The following HS6ST3 variants were observed in gnomAD, a reference collection of about 807,000 sequenced individuals.
HS6ST3 encodes the protein heparan-sulfate 6-O-sulfotransferase 3.
HS6ST3 carries 12 observed loss-of-function variants against 36.7 expected under a neutral mutation model. The observed-to-expected ratio is 0.33, with a 90% CI of 0.21 to 0.53. The LOEUF (loss-of-function observed/expected upper bound fraction) is 0.53. Ranked by LOEUF, HS6ST3 falls within the 20% of genes least tolerant of loss-of-function variation. The pLI is 0.95. For missense variants in HS6ST3, 584 were observed against 640.9 expected (o/e 0.91, Z 0.96); for synonymous variants, 240 against 257.5 (o/e 0.93, Z 0.65).
At chr13:96,328,599 A>G (rs1305456892) in intron 1 of HS6ST3, among the ~76,000 whole-genome samples, 6 of 151,248 alleles carry the variant, frequency 4.0e-5, no homozygotes, top group African/African-American at 1.5e-4. Flanking sequence ...TTTATTGAGG[A>G]TTTTTGCATC....
At chr13:96,330,542 T>C (rs1399464165) in intron 1 of HS6ST3, among the ~76,000 whole-genome samples, 2 of 152,158 alleles carry the variant, frequency 1.3e-5, no homozygotes, top group Admixed American at 6.5e-5. Flanking sequence ...GGGTTTCTGC[T>C]GAGAGATCTG....
intron 1 of HS6ST3, among the ~76,000 whole-genome samples, chr13:96,360,280 G>A (rs2139435486): frequency 6.7e-6 from 1 of 148,726 alleles, no homozygotes; most frequent in East Asian, 2.0e-4. Flanking sequence ...CAAAAGTATA[G>A]GCATCCTTTT....
intron 1 of HS6ST3, among the ~76,000 whole-genome samples, chr13:96,135,022 A>G (rs184418270): frequency 2.6e-5 from 4 of 152,260 alleles, no homozygotes; most frequent in East Asian, 1.9e-4. Flanking sequence ...GCGCCACATT[A>G]CTGAAAGAAG....
At chr13:96,253,611 A>G (rs2054618265) in intron 1 of HS6ST3, among the ~76,000 whole-genome samples, 1 of 152,182 alleles carries the variant, frequency 6.6e-6, no homozygotes, top group Non-Finnish European at 1.5e-5. Flanking sequence ...GGGGCCTCAT[A>G]TTCCACCGTC....
At chr13:96,339,728 C>T (rs78452231) in intron 1 of HS6ST3, among the ~76,000 whole-genome samples, 3,671 of 152,308 alleles carry the variant, frequency 0.024, 77 homozygotes, top group Non-Finnish European at 0.039. Context: ...CAGACCACCC[C>T]CATCAATTGG....
intron 1 of HS6ST3, among the ~76,000 whole-genome samples, chr13:96,095,125 A>G (rs2053784097): frequency 6.6e-6 from 1 of 152,204 alleles, no homozygotes; most frequent in Admixed American, 6.5e-5. Context: ...TCTTGAGGGA[A>G]TTCATGTCTC....
intron 1 of HS6ST3, among the ~76,000 whole-genome samples, chr13:96,521,348 G>C (rs1566385504): frequency 6.6e-6 from 1 of 152,110 alleles, no homozygotes; most frequent in African/African-American, 2.4e-5. Flanking sequence ...TTGGTATTAG[G>C]ATCATGCTGG....
chr13:96,722,246 C>T (rs1875868719), intron 1 of HS6ST3, among the ~76,000 whole-genome samples: 1 of 151,786 alleles, frequency 6.6e-6, no homozygotes, highest in Non-Finnish European at 1.5e-5. Flanking sequence ...GCCTGGGAAA[C>T]AGAGCGAGAT....
intron 1 of HS6ST3, among the ~76,000 whole-genome samples, chr13:96,663,688 G>T (rs1221749580): frequency 3.3e-5 from 5 of 152,122 alleles, no homozygotes; most frequent in Non-Finnish European, 7.4e-5. Context: ...TTTGCACAAA[G>T]AATTGCATGT....
At chr13:96,439,391 G>A (rs933350293) in intron 1 of HS6ST3, among the ~76,000 whole-genome samples, 23 of 152,312 alleles carry the variant, frequency 1.5e-4, no homozygotes, top group Non-Finnish European at 2.6e-4. Flanking sequence ...CGTTTGTCAC[G>A]TAGAAATAAA....
chr13:96,184,061 C>T (rs560518137), intron 1 of HS6ST3, among the ~76,000 whole-genome samples: 26 of 151,780 alleles, frequency 1.7e-4, no homozygotes, highest in African/African-American at 5.1e-4. Flanking sequence ...ATTAGCTGGA[C>T]GTGGTGGTGC....
intron 1 of HS6ST3, among the ~76,000 whole-genome samples, chr13:96,447,842 C>T (rs2055706840): frequency 6.6e-6 from 1 of 152,184 alleles, no homozygotes; most frequent in Admixed American, 6.5e-5. Flanking sequence ...TGTCTCTGTA[C>T]AGGGAGCTTC....
chr13:96,622,377 T>C (rs769436451), intron 1 of HS6ST3, among the ~76,000 whole-genome samples: 6 of 152,234 alleles, frequency 3.9e-5, no homozygotes, highest in Non-Finnish European at 8.8e-5. Flanking sequence ...CAGCTGGCTT[T>C]ATTTGCATCT....
intron 1 of HS6ST3, among the ~76,000 whole-genome samples, chr13:96,188,984 T>C (rs1566281764): frequency 6.6e-6 from 1 of 152,194 alleles, no homozygotes; most frequent in Non-Finnish European, 1.5e-5. Context: ...AGCACGAATA[T>C]GGTATTAAAT....
chr13:96,321,285 C>G (rs940143224), intron 1 of HS6ST3, among the ~76,000 whole-genome samples: 3 of 152,156 alleles, frequency 2.0e-5, no homozygotes, highest in Non-Finnish European at 4.4e-5. Flanking sequence ...CCATATTATT[C>G]CCCTCAATCC....
intron 1 of HS6ST3, among the ~76,000 whole-genome samples, chr13:96,507,005 A>T (rs1007954437): frequency 1.3e-5 from 2 of 152,172 alleles, no homozygotes; most frequent in African/African-American, 4.8e-5. Flanking sequence ...AAGTAGTGTG[A>T]GACTGTCAGT....
In HS6ST3 at chr13:96,486,871, G is replaced by A. The variant is rs538458810; in HGVS notation, c.708-345619G>A. 7.2e-5 allele frequency among the ~76,000 whole-genome samples: 11 copies of A among 152,170 alleles called. No individual in the cohort carries two copies. In the South Asian group the frequency reaches 1.0e-3, roughly 14 times the overall value. Reference sequence around the variant, plus strand: ...AAGGCAGTAAACTAAGATGACTAGCGTTATTCCGTAGCAAAAATGCCCTTG... The same window carrying A: ...AAGGCAGTAAACTAAGATGACTAGCATTATTCCGTAGCAAAAATGCCCTTG... On this transcript the variant is annotated intron_variant, in intron 1 of 1. Coordinates refer to ENST00000376705, the MANE Select transcript of HS6ST3 (RefSeq NM_153456.4).
At chr13:96,585,395 A>G (rs1382811588) in intron 1 of HS6ST3, among the ~76,000 whole-genome samples, 1 of 152,152 alleles carries the variant, frequency 6.6e-6, no homozygotes, top group African/African-American at 2.4e-5. Flanking sequence ...GCAAAATATG[A>G]TATTTTTGGG....
intron 1 of HS6ST3, among the ~76,000 whole-genome samples, chr13:96,216,222 C>G (rs2054424879): frequency 6.6e-6 from 1 of 152,300 alleles, no homozygotes; most frequent in Non-Finnish European, 1.5e-5. Context: ...TCAATCAATG[C>G]TGACATTCTA....
Sources: allele counts gnomAD v4.1 joint callset (sites outside exome capture counted in the v4.1 genomes callset), GRCh38; gene constraint gnomAD v4.1.1; transcripts MANE v1.5; gene names NCBI Gene and HGNC (gene_info 2026-07-23, HGNC 2026-07-21).